The following NBPF20 variants were observed in gnomAD, a reference collection of about 807,000 sequenced individuals.
The protein encoded by NBPF20 is NBPF family member NBPF20.
In NBPF20, 90 loss-of-function variants were observed where a neutral mutation model predicts 68.1. The observed-to-expected ratio is 1.32, with a 90% confidence interval of 1.11 to 1.58. The LOEUF is 1.58. NBPF20 is among the 40% of genes most tolerant of loss of function. The pLI is 0.00. For synonymous variants in NBPF20, 290 were observed against 228.1 expected (o/e 1.27, Z -2.45); for missense variants, 816 against 601.2 (o/e 1.36, Z -3.74).
At chr1:145,298,399 A>T (rs1278656576) in intron 129 of NBPF20, among the ~76,000 whole-genome samples, 1 of 143,400 alleles carries the variant, frequency 7.0e-6, no homozygotes, top group African/African-American at 2.9e-5. Flanking sequence ...GAGAGAGAGA[A>T]CGAGCTCAGT....
upstream of NBPF20, among the ~76,000 whole-genome samples, chr1:145,409,967 C>T (rs78803609): frequency 2.5e-4 from 38 of 151,998 alleles, no homozygotes; most frequent in Non-Finnish European, 4.6e-4. Context: ...TACGGAGCCA[C>T]GAGAAACAGC....
intron 3 of NBPF20, among the ~76,000 whole-genome samples, chr1:145,402,876 G>T (rs1305130208): frequency 1.3e-5 from 2 of 149,872 alleles, no homozygotes; most frequent in East Asian, 4.1e-4. Flanking sequence ...GGAGGTGATT[G>T]TCACTAAGGG....
chr1:145,393,766 A>G (rs1411963178), intron 9 of NBPF20, 118 bp downstream of exon 14: 14 of 1,499,456 alleles, frequency 9.3e-6, no homozygotes, highest in Admixed American at 3.4e-5. Context: ...TGTAGTAGGC[A>G]TAATTCAGAC....
At chr1:145,395,708 G>T (rs1446746905) in intron 7 of NBPF20, among the ~76,000 whole-genome samples, 5 of 148,658 alleles carry the variant, frequency 3.4e-5, no homozygotes, top group Admixed American at 3.3e-4. Context: ...ATCCCTGTTT[G>T]AGGGTCTGGA....
chr1:145,393,402 C>G (rs1471271745), intron 9 of NBPF20, among the ~76,000 whole-genome samples, 156 bp from the exon 15 acceptor site: 1 of 151,290 alleles, frequency 6.6e-6, no homozygotes, highest in African/African-American at 2.4e-5. Flanking sequence ...TTGGGATAGA[C>G]TAGGGCCAGG....
At chr1:145,398,099 A>G (rs1662349534) in intron 7 of NBPF20, among the ~76,000 whole-genome samples, 1 of 152,192 alleles carries the variant, frequency 6.6e-6, no homozygotes, top group Non-Finnish European at 1.5e-5. Context: ...TGAGAGACCT[A>G]CAAAGAGATT....
chr1:145,424,180 T>G, the NBPF20 span, among the ~76,000 whole-genome samples: 1 of 149,192 alleles, frequency 6.7e-6, no homozygotes, highest in Non-Finnish European at 1.5e-5. Context: ...TTTGGCACGT[T>G]GCCCAGGCTG....
chr1:145,398,065 C>G (rs1389816397), intron 7 of NBPF20, among the ~76,000 whole-genome samples: 26 of 152,230 alleles, frequency 1.7e-4, no homozygotes, highest in African/African-American at 5.8e-4. Context: ...TATACAGGAG[C>G]ACCCAGATTC....
chr1:145,292,863 A>G (rs1202722245), intron 136 of NBPF20, among the ~76,000 whole-genome samples: 2 of 59,730 alleles, frequency 3.3e-5, no homozygotes, highest in African/African-American at 1.7e-4. Context: ...GGTTGTGAGG[A>G]CTTTAGACAC....
At chr1:145,390,407 C>T (rs1661949724) in intron 13 of NBPF20, among the ~76,000 whole-genome samples, 1 of 34,854 alleles carries the variant, frequency 2.9e-5, no homozygotes, top group Non-Finnish European at 4.5e-5. Context: ...GTCCAGGTGA[C>T]ACACTGATGA....
chr1:145,394,254 C>T (rs1361364209), intron 8 of NBPF20, among the ~76,000 whole-genome samples: 5,798 of 148,180 alleles, frequency 0.039, 426 homozygotes, highest in African/African-American at 0.15. Context: ...ATAGGAGAGA[C>T]ACTTCAATAT....
chr1:145,414,957 C>T, the NBPF20 span, among the ~76,000 whole-genome samples: 1 of 152,020 alleles, frequency 6.6e-6, no homozygotes, highest in African/African-American at 2.4e-5. Context: ...GACACAGAGA[C>T]AAAGTACAGA....
At chr1:145,397,705 T>A (rs1662325173) in intron 7 of NBPF20, among the ~76,000 whole-genome samples, 1 of 152,180 alleles carries the variant, frequency 6.6e-6, no homozygotes, top group African/African-American at 2.4e-5. Context: ...GCTAATATCA[T>A]AACGACAGGA....
At chr1:145,398,738 A>G (rs1662375870) in intron 7 of NBPF20, among the ~76,000 whole-genome samples, 1 of 151,756 alleles carries the variant, frequency 6.6e-6, no homozygotes, top group Non-Finnish European at 1.5e-5. Flanking sequence ...GAGCAGAACT[A>G]AAGGAGATAG....
In NBPF20 at chr1:145,394,958, C is replaced by A. The variant is rs1205197236; in HGVS notation, c.991+20G>T. On this transcript the variant is annotated intron_variant, in intron 8 of 137. Coordinates refer to ENST00000369373, the Ensembl canonical transcript of NBPF20. ...GGGCCATGAACTGGAGCTTTATCAC[C>A]TTCACAGTGTAGTACTCACTGCCTA... is the stretch of plus-strand genomic sequence containing the variant. 9.9e-6 allele frequency: 16 copies of A among 1,611,976 alleles called. No homozygotes were observed. The African/African-American group carries it at 1.5e-4, about 15-fold the overall frequency.
chr1:145,407,208 C>A (rs1168389881), upstream of NBPF20, among the ~76,000 whole-genome samples: 7 of 150,476 alleles, frequency 4.7e-5, no homozygotes, highest in African/African-American at 1.7e-4. Context: ...TGTTCTCACT[C>A]ATGGGTGGGA....
the NBPF20 span, among the ~76,000 whole-genome samples, chr1:145,419,189 G>A: frequency 6.8e-6 from 1 of 147,934 alleles, no homozygotes; most frequent in Non-Finnish European, 1.5e-5. Flanking sequence ...GGGAGGGAAA[G>A]AATAAAGAGA....
At chr1:145,400,303 T>C (rs1441542992) in intron 6 of NBPF20, 86 bp downstream of exon 11, 4 of 1,598,006 alleles carry the variant, frequency 2.5e-6, no homozygotes, top group Non-Finnish European at 3.4e-6. Context: ...TTTATTCAAA[T>C]GAATTTGTGT....
chr1:145,424,976 C>T, the NBPF20 span, among the ~76,000 whole-genome samples: 1 of 152,176 alleles, frequency 6.6e-6, no homozygotes, highest in Non-Finnish European at 1.5e-5. Context: ...CGAGTGGTCT[C>T]GCCTCTCAGG....
Sources: allele counts gnomAD v4.1 joint callset (sites outside exome capture counted in the v4.1 genomes callset), GRCh38; gene constraint gnomAD v4.1.1; transcripts MANE v1.5; gene names NCBI Gene and HGNC (gene_info 2026-07-23, HGNC 2026-07-21).